The following MEIS1 variants were observed in gnomAD, a reference collection of about 807,000 sequenced individuals.
The protein encoded by MEIS1 is Meis homeobox 1.
In MEIS1, 5 loss-of-function variants were observed where a neutral mutation model predicts 50.8. That is an observed-to-expected ratio of 0.10 (90% CI 0.05 to 0.21). The LOEUF (loss-of-function observed/expected upper bound fraction) is 0.21. Ranked by LOEUF, MEIS1 falls within the 10% of genes least tolerant of loss-of-function variation. The pLI, the probability that MEIS1 is intolerant of heterozygous loss-of-function variation, is 1.00. For missense variants in MEIS1, 318 were observed against 517.3 expected, an observed-to-expected ratio of 0.61 and a Z score of 3.74; for synonymous variants, 176 against 179.3, an observed-to-expected ratio of 0.98 and a Z score of 0.15.
intron 8 of MEIS1, among the ~76,000 whole-genome samples, 187 bp downstream of exon 8, chr2:66,512,481 TA>T (rs1673854553): frequency 6.6e-6 from 1 of 152,214 alleles, no homozygotes; most frequent in African/African-American, 2.4e-5. Flanking sequence ...AAATTTTATT[TA>T]AAATTCACGA....
At chr2:66,515,936 G>T (rs1268840790) in intron 8 of MEIS1, among the ~76,000 whole-genome samples, 1 of 152,120 alleles carries the variant, frequency 6.6e-6, no homozygotes, top group Non-Finnish European at 1.5e-5. Context: ...TCATATCAAG[G>T]TTTCTTTTTC....
At chr2:66,496,981 C>G (rs1038862306) in intron 7 of MEIS1, among the ~76,000 whole-genome samples, 1 of 152,162 alleles carries the variant, frequency 6.6e-6, no homozygotes, top group Admixed American at 6.5e-5. Flanking sequence ...CTAAGATACA[C>G]TCACATGCTA....
At position 66,437,727 on chromosome 2, in the gene MEIS1, T is replaced by C; in HGVS notation, c.13-10T>C. The C allele has an allele frequency of 2.5e-6, 4 of 1,613,414 alleles. No individual in the cohort carries two copies. The highest frequency in any genetic ancestry group is 3.4e-6 in the Non-Finnish European group (4 of 1,179,508). On this transcript the variant is annotated splice_polypyrimidine_tract_variant and intron_variant, in intron 1 of 12. Transcript: ENST00000272369. ...TCCTGAACCTTCTTTCTCTCCTGTTTGTCATGCAGTACGACGATCTACCCC... is the reference window on the plus strand; with the variant it reads ...TCCTGAACCTTCTTTCTCTCCTGTTCGTCATGCAGTACGACGATCTACCCC...
At chr2:66,534,463 G>A (rs1232657434) in intron 8 of MEIS1, among the ~76,000 whole-genome samples, 2 of 152,106 alleles carry the variant, frequency 1.3e-5, no homozygotes, top group Non-Finnish European at 2.9e-5. Flanking sequence ...GAACCTGGGA[G>A]GCAGAGGTTG....
At chr2:66,545,006 T>C (rs1484423656) in intron 8 of MEIS1, among the ~76,000 whole-genome samples, 1 of 152,150 alleles carries the variant, frequency 6.6e-6, no homozygotes, top group African/African-American at 2.4e-5. Context: ...AGAATGTTTG[T>C]AAAACTTGCT....
intron 7 of MEIS1, among the ~76,000 whole-genome samples, chr2:66,494,062 G>T (rs891700365): frequency 6.6e-6 from 1 of 152,166 alleles, no homozygotes; most frequent in African/African-American, 2.4e-5. Context: ...GGGCTGTATA[G>T]AAATATAAGT....
chr2:66,497,611 G>A (rs1673438434), intron 7 of MEIS1, among the ~76,000 whole-genome samples: 1 of 152,126 alleles, frequency 6.6e-6, no homozygotes, highest in South Asian at 2.1e-4. Flanking sequence ...AACTGCTGCA[G>A]AGGCTTGGCA....
At chr2:66,451,600 ATTAAC>A (rs1293735318) in intron 6 of MEIS1, among the ~76,000 whole-genome samples, 2 of 152,118 alleles carry the variant, frequency 1.3e-5, no homozygotes, top group African/African-American at 4.8e-5. Context: ...GTTTTCGAAT[ATTAAC>A]TTAATTTGAT....
At chr2:66,482,336 G>T (rs6705285) in intron 7 of MEIS1, among the ~76,000 whole-genome samples, 103,569 of 152,036 alleles carry the variant, frequency 0.68, 36,481 homozygotes, top group African/African-American at 0.87. Flanking sequence ...AGCAGAGATT[G>T]GTGTCTCTAT....
At chr2:66,503,566 A>G (rs1430061869) in intron 7 of MEIS1, among the ~76,000 whole-genome samples, 1 of 152,094 alleles carries the variant, frequency 6.6e-6, no homozygotes, top group Non-Finnish European at 1.5e-5. Context: ...TATTTTGTTT[A>G]ACTTTAGTGC....
Position 66,468,469 on chromosome 2 carries a change from T to C in MEIS1, c.742+4249T>C, listed in dbSNP as rs577608091. Among the ~76,000 whole-genome samples, 19 of 152,234 alleles carry C rather than the reference T, an allele frequency of 1.2e-4. No individual in the cohort carries two copies. The East Asian group carries it at 3.5e-3, about 28-fold the overall frequency. On this transcript the variant is annotated intron_variant, in intron 7 of 12. Transcript: ENST00000272369. ...GGTAAAAAGATAATAAAATAGAACA[T>C]GAAGGGCTGTCAGTCAGTGTAGGTA... is the stretch of plus-strand genomic sequence containing the variant.
chr2:66,451,513 A>G (rs183893915), intron 6 of MEIS1, among the ~76,000 whole-genome samples: 1 of 152,192 alleles, frequency 6.6e-6, no homozygotes, highest in East Asian at 1.9e-4. Flanking sequence ...CTTCTTTTAA[A>G]AATATTAGAA....
chr2:66,511,370 G>A (rs529440976), intron 7 of MEIS1, among the ~76,000 whole-genome samples: 24 of 152,130 alleles, frequency 1.6e-4, no homozygotes, highest in African/African-American at 5.5e-4. Context: ...TAGAAAAATA[G>A]GATCCAATAT....
Position 66,435,542 on chromosome 2 carries a change from TTTTC to T in MEIS1, c.-299_-296del, listed in dbSNP as rs540323756. 1.1e-3 allele frequency: 427 copies of T among 378,546 alleles called. No homozygotes were observed. Among genetic ancestry groups the T allele is most frequent in the Middle Eastern group, 2.7e-3 (4 of 1,468 alleles). The allele number at this position is 378,546 out of a possible 1,614,324, so 23.4% of individuals were successfully genotyped here. On this transcript the variant is annotated 5_prime_UTR_variant, in exon 1 of 13. Transcript: ENST00000272369. ...GTCTGAGGGGCGCTCTTTTTTTTCC[TTTTC>T]TTTCTTTCTTTCTTTTTTTTTTTTT...
chr2:66,572,677 A>T lies in MEIS1; in HGVS notation c.*1469A>T, dbSNP rs958896994. The T allele has an allele frequency of 6.6e-6, 1 of 152,198 alleles. No homozygotes were observed. Among genetic ancestry groups the T allele is most frequent in the African/African-American group, 2.4e-5 (1 of 41,446 alleles). 9.4% of individuals were successfully genotyped at this position (152,198 alleles called of 1,614,324 possible). On this transcript the variant is annotated 3_prime_UTR_variant, in exon 13 of 13. Coordinates refer to ENST00000272369, the MANE Select transcript of MEIS1 (RefSeq NM_002398.3). ...TTCTGATGGAAACAGTTTGGATTGT[A>T]TAATAACGCCAAGCCCAGTTGTAGT...
intron 8 of MEIS1, among the ~76,000 whole-genome samples, chr2:66,529,528 C>G (rs1342279695): frequency 6.6e-6 from 1 of 152,148 alleles, no homozygotes; most frequent in Non-Finnish European, 1.5e-5. Context: ...CCTCCACCTC[C>G]CAGGTTAAAG....
intron 8 of MEIS1, among the ~76,000 whole-genome samples, chr2:66,519,205 G>A (rs1473176003): frequency 3.3e-5 from 5 of 152,176 alleles, no homozygotes; most frequent in East Asian, 3.8e-4. Flanking sequence ...CCAAGACCAC[G>A]TTGCAATGGT....
At chr2:66,478,669 G>A (rs957093914) in intron 7 of MEIS1, among the ~76,000 whole-genome samples, 1 of 152,188 alleles carries the variant, frequency 6.6e-6, no homozygotes, top group Non-Finnish European at 1.5e-5. Context: ...GAGTGTTTTT[G>A]AATGTAGCAA....
At chr2:66,475,004 TGTA>T (rs1442782734) in intron 7 of MEIS1, among the ~76,000 whole-genome samples, 3 of 151,904 alleles carry the variant, frequency 2.0e-5, no homozygotes, top group African/African-American at 7.2e-5. Context: ...CATTTACTGT[TGTA>T]GTTTGACTCT....
Sources: allele counts gnomAD v4.1 joint callset (sites outside exome capture counted in the v4.1 genomes callset), GRCh38; gene constraint gnomAD v4.1.1; transcripts MANE v1.5; gene names NCBI Gene and HGNC (gene_info 2026-07-23, HGNC 2026-07-21).